GABRB3: variants seen among roughly 807,000 people sequenced by gnomAD.
GABRB3 encodes the protein gamma-aminobutyric acid receptor subunit beta-3.
Under a neutral mutation model 52.1 loss-of-function variants are expected in GABRB3, and 14 were observed. The observed-to-expected ratio is 0.27, with a 90% CI of 0.18 to 0.42. The LOEUF is 0.42. Among genes scored for constraint, GABRB3 ranks in the 10% least tolerant of loss-of-function variants. The pLI, the probability that GABRB3 is intolerant of heterozygous loss-of-function variation, is 1.00. For missense variants in GABRB3, 307 were observed against 609.1 expected, an observed-to-expected ratio of 0.50 and a Z score of 5.22; for synonymous variants, 260 against 232.3, an observed-to-expected ratio of 1.12 and a Z score of -1.08.
At chr15:26,583,778 A>ATTTT (rs572548858) in intron 4 of GABRB3, among the ~76,000 whole-genome samples, 4 of 140,940 alleles carry the variant, frequency 2.8e-5, no homozygotes, top group African/African-American at 7.7e-5. Flanking sequence ...TGTATCACCT[A>ATTTT]TTTTTTTTTT....
At chr15:26,763,569 G>A (rs1890879448) in intron 3 of GABRB3, among the ~76,000 whole-genome samples, 1 of 142,594 alleles carries the variant, frequency 7.0e-6, no homozygotes, top group African/African-American at 2.6e-5. Context: ...TATCCGAATT[G>A]GTTTTGTTCT....
intron 3 of GABRB3, among the ~76,000 whole-genome samples, chr15:26,711,124 T>G (rs908345693): frequency 6.6e-6 from 1 of 152,216 alleles, no homozygotes; most frequent in Non-Finnish European, 1.5e-5. Flanking sequence ...ATCTGGCAAA[T>G]GGATTCCACC....
At chr15:26,704,175 G>A (rs1273138963) in intron 3 of GABRB3, among the ~76,000 whole-genome samples, 1 of 152,218 alleles carries the variant, frequency 6.6e-6, no homozygotes, top group Non-Finnish European at 1.5e-5. Flanking sequence ...ACACTGCCAA[G>A]GCCTAGAGCC....
intron 3 of GABRB3, among the ~76,000 whole-genome samples, chr15:26,653,039 C>G (rs1887245403): frequency 6.6e-6 from 1 of 152,212 alleles, no homozygotes; most frequent in Non-Finnish European, 1.5e-5. Flanking sequence ...ACCTCACCGA[C>G]TCCATCTTGC....
At chr15:26,582,047 T>C (rs1890809871) in intron 5 of GABRB3, among the ~76,000 whole-genome samples, 1 of 152,208 alleles carries the variant, frequency 6.6e-6, no homozygotes, top group African/African-American at 2.4e-5. Flanking sequence ...CTATTCCCAA[T>C]ATGGAGACAT....
chr15:26,763,008 G>A (rs184903104), intron 3 of GABRB3, among the ~76,000 whole-genome samples: 3 of 152,262 alleles, frequency 2.0e-5, no homozygotes, highest in Admixed American at 6.5e-5. Flanking sequence ...AAAGAATATC[G>A]CACAATCAAT....
chr15:26,702,163 C>CTT (rs1320293648), intron 3 of GABRB3, among the ~76,000 whole-genome samples: 1 of 152,064 alleles, frequency 6.6e-6, no homozygotes, highest in East Asian at 1.9e-4. Context: ...AGGAGGAAAC[C>CTT]TTTATGATCT....
chr15:26,772,940 CT>C lies in GABRB3; in HGVS notation c.22del (p.Arg8GlyfsTer21). On this transcript the variant is annotated frameshift_variant, in exon 1 of 9. Coordinates refer to ENST00000311550, the MANE Select transcript of GABRB3 (RefSeq NM_000814.6). LOFTEE classifies it high-confidence loss of function. ...CGGGGCCGAGAAGATGCCGAAAAGC[CT>C]TCCTCCCGCAAGGCCCCACATCCCT... MWGLAGG[R>X]LFGIFSAPVL... 1 of 1,481,616 alleles carries C rather than the reference CT, an allele frequency of 6.7e-7. No homozygotes were observed. The highest frequency in any genetic ancestry group is 9.0e-7 in the Non-Finnish European group (1 of 1,113,660). The allele number at this position is 1,481,616 out of a possible 1,614,324, so 91.8% of individuals were successfully genotyped here.
intron 3 of GABRB3, among the ~76,000 whole-genome samples, chr15:26,630,353 G>A (rs1177557344): frequency 6.6e-6 from 1 of 152,206 alleles, no homozygotes; most frequent in African/African-American, 2.4e-5. Context: ...AGAGTGCTCA[G>A]GCAGTGAGGA....
chr15:26,709,564 CTG>C (rs1044653781), intron 3 of GABRB3, among the ~76,000 whole-genome samples: 6 of 131,224 alleles, frequency 4.6e-5, no homozygotes, highest in African/African-American at 1.4e-4. Flanking sequence ...GTCGCCCAGA[CTG>C]GAGTGCAGTG....
intron 4 of GABRB3, among the ~76,000 whole-genome samples, chr15:26,619,847 C>T (rs1442997503): frequency 3.3e-5 from 5 of 150,344 alleles, no homozygotes; most frequent in African/African-American, 1.0e-4. Flanking sequence ...CACATTACCA[C>T]ACAAAACACA....
chr15:26,772,504 C>G lies in GABRB3; in HGVS notation c.173-35G>C, dbSNP rs757803732. 3.1e-6 allele frequency: 5 copies of G among 1,602,310 alleles called. No individual in the cohort carries two copies. In the African/African-American group the frequency reaches 6.7e-5, roughly 21 times the overall value. The stretch of plus-strand genomic sequence containing the variant: ...GCACAGGACACGGCGATCAGCCCAG[C>G]TCCGGCGCGGGGCGCGGGCGGCTCT... On this transcript the variant is annotated intron_variant, in intron 2 of 8. Coordinates refer to ENST00000311550, the MANE Select transcript of GABRB3 (RefSeq NM_000814.6).
intron 3 of GABRB3, among the ~76,000 whole-genome samples, chr15:26,656,500 A>G (rs996367777): frequency 6.6e-6 from 1 of 152,238 alleles, no homozygotes; most frequent in Non-Finnish European, 1.5e-5. Flanking sequence ...GGAGTCTTCA[A>G]TCCCTGGGCT....
At chr15:26,629,184 G>T (rs771410774) in intron 3 of GABRB3, 2 of 1,470,640 alleles carry the variant, frequency 1.4e-6, no homozygotes, top group Non-Finnish European at 1.8e-6. Flanking sequence ...CCCGGGAGAC[G>T]GAGGGCTTTG....
At position 26,597,658 on chromosome 15, in the gene GABRB3, A is replaced by G. The variant is rs1020999313; in HGVS notation, c.462-14244T>C. 5.9e-5 allele frequency among the ~76,000 whole-genome samples: 9 copies of G among 152,308 alleles called. No homozygotes were observed. The South Asian group carries it at 8.3e-4, about 14-fold the overall frequency. On this transcript the variant is annotated intron_variant, in intron 4 of 8. Coordinates refer to ENST00000311550, the MANE Select transcript of GABRB3 (RefSeq NM_000814.6). ...ATTCTTAGAGCTAACAAAAGCCCCA[A>G]TACATTCCATGGAATAGAAAACCTG...
chr15:26,707,465 G>A (rs17117278), intron 3 of GABRB3, among the ~76,000 whole-genome samples: 1,837 of 152,294 alleles, frequency 0.012, 35 homozygotes, highest in African/African-American at 0.042. Context: ...GTCACTCAGA[G>A]TGAATGTTTA....
chr15:26,698,636 G>A (rs2140676603), intron 3 of GABRB3, among the ~76,000 whole-genome samples: 1 of 152,262 alleles, frequency 6.6e-6, no homozygotes, highest in East Asian at 1.9e-4. Flanking sequence ...TGAAGAGGGA[G>A]GGAAGGGGCA....
rs568468559 is a variant in GABRB3, at chr15:26,762,935, A to G, written c.240+9467T>C. Among the ~76,000 whole-genome samples, 92 of 152,366 alleles carry G rather than the reference A, an allele frequency of 6.0e-4. 1 individual carries two copies. In the South Asian group the frequency reaches 0.018, roughly 31 times the overall value. On this transcript the variant is annotated intron_variant, in intron 3 of 8. Coordinates refer to ENST00000311550, the MANE Select transcript of GABRB3 (RefSeq NM_000814.6). ...AGATTCAGAAATGAAAACTCATTCA[A>G]TGGCACAGTCCAATATACCCTCATA...
At chr15:26,716,503 AG>A in intron 3 of GABRB3, 1 of 715,996 alleles carries the variant, frequency 1.4e-6, no homozygotes, top group Non-Finnish European at 1.7e-6. Flanking sequence ...AACGATGCTC[AG>A]GGGGTTTGAG....
Sources: allele counts gnomAD v4.1 joint callset (sites outside exome capture counted in the v4.1 genomes callset), GRCh38; gene constraint gnomAD v4.1.1; transcripts MANE v1.5; gene names NCBI Gene and HGNC (gene_info 2026-07-23, HGNC 2026-07-21).